KLHL20: variants seen among roughly 807,000 people sequenced by gnomAD.
KLHL20 encodes kelch-like protein 20.
Under a neutral mutation model 69.5 loss-of-function variants are expected in KLHL20, and 29 were observed. The ratio of observed to expected loss-of-function variants is 0.42; its 90% CI spans 0.31 to 0.57. KLHL20 has a LOEUF of 0.57. Among genes scored for constraint, KLHL20 ranks in the 20% least tolerant of loss-of-function variants. KLHL20 has a pLI of 0.18. For synonymous variants in KLHL20, 253 were observed against 265.2 expected (o/e 0.95, Z 0.45); for missense variants, 419 against 776.0 (o/e 0.54, Z 5.47).
intron 2 of KLHL20, among the ~76,000 whole-genome samples, chr1:173,732,293 T>C (rs1424189739): frequency 1.3e-5 from 2 of 151,780 alleles, no homozygotes; most frequent in African/African-American, 4.8e-5. Context: ...CGTGGGCAAC[T>C]TAGTGAGACC....
At chr1:173,744,637 G>A (rs1005977719) in intron 3 of KLHL20, among the ~76,000 whole-genome samples, 26 of 152,080 alleles carry the variant, frequency 1.7e-4, no homozygotes, top group South Asian at 4.1e-4. Context: ...TGTGTATGGT[G>A]TGAAATATGG....
At chr1:173,754,313 G>A (rs981883859) in intron 5 of KLHL20, among the ~76,000 whole-genome samples, 5 of 152,088 alleles carry the variant, frequency 3.3e-5, no homozygotes, top group African/African-American at 9.7e-5. Context: ...CAGGCCGGGC[G>A]CAGTGGCTCA....
intron 2 of KLHL20, among the ~76,000 whole-genome samples, chr1:173,725,902 G>A (rs1671933065): frequency 6.6e-6 from 1 of 152,216 alleles, no homozygotes; most frequent in African/African-American, 2.4e-5. Context: ...AGTAGGTGCA[G>A]GACAGTGGGT....
intron 3 of KLHL20, among the ~76,000 whole-genome samples, chr1:173,740,859 A>G (rs1672776122): frequency 1.3e-5 from 2 of 152,072 alleles, no homozygotes; most frequent in Non-Finnish European, 2.9e-5. Context: ...ACTCAGTCAA[A>G]TTATTACACA....
At position 173,733,863 on chromosome 1, in the gene KLHL20, T is replaced by C; in HGVS notation, c.174T>C (p.Ile58=). Residue 58 remains isoleucine, a synonymous_variant, in exon 3 of 12, where the codon ATT becomes ATC. Coordinates refer to ENST00000209884, the MANE Select transcript of KLHL20 (RefSeq NM_014458.4). ...DKHPRQTLEV[I]NLLRKHRELC... is the part of the protein sequence containing the mutation. ...ACCCTCGACAAACCTTGGAAGTGAT[T>C]AACCTTCTGAGAAAGCACCGGGAGC... The C allele has an allele frequency of 1.9e-6, 3 of 1,614,064 alleles. No individual in the cohort carries two copies. The highest frequency in any genetic ancestry group is 1.3e-5 in the African/African-American group (1 of 74,994).
At chr1:173,716,625 C>A (rs1671479712) in intron 2 of KLHL20, among the ~76,000 whole-genome samples, 1 of 152,040 alleles carries the variant, frequency 6.6e-6, no homozygotes, top group African/African-American at 2.4e-5. Flanking sequence ...ATAGGCCCTC[C>A]CAACCCTAGA....
chr1:173,719,204 C>T (rs1396117213), intron 2 of KLHL20, among the ~76,000 whole-genome samples: 3 of 151,916 alleles, frequency 2.0e-5, no homozygotes, highest in Non-Finnish European at 4.4e-5. Context: ...TCTATATGCA[C>T]CTTAGTTAAC....
chr1:173,779,185 T>C (rs1648684788), intron 10 of KLHL20, among the ~76,000 whole-genome samples: 2 of 152,184 alleles, frequency 1.3e-5, no homozygotes, highest in South Asian at 4.1e-4. Context: ...ATTTCTTCAT[T>C]TCTTCATTGA....
intron 2 of KLHL20, among the ~76,000 whole-genome samples, chr1:173,720,684 T>C (rs1237467765): frequency 6.6e-6 from 1 of 151,960 alleles, no homozygotes; most frequent in East Asian, 1.9e-4. Flanking sequence ...TTGAGAGAAG[T>C]AGATGGAATT....
At chr1:173,764,426 CAT>C (rs56738731) in intron 7 of KLHL20, among the ~76,000 whole-genome samples, 13,477 of 152,156 alleles carry the variant, frequency 0.089, 1,922 homozygotes, top group African/African-American at 0.3. Context: ...CTTGTACACA[CAT>C]GTTTCTAGCA....
intron 2 of KLHL20, among the ~76,000 whole-genome samples, chr1:173,723,234 T>C (rs1671798623): frequency 6.6e-6 from 1 of 152,226 alleles, no homozygotes; most frequent in Non-Finnish European, 1.5e-5. Context: ...AATCATGTGA[T>C]TTATTCTTTC....
At chr1:173,741,719 GA>G in intron 3 of KLHL20, 2 of 1,305,534 alleles carry the variant, frequency 1.5e-6, no homozygotes, top group East Asian at 2.4e-5. Flanking sequence ...CAGAAGAGGA[GA>G]AGAGGAAACA....
chr1:173,742,538 T>C (rs373427285), intron 3 of KLHL20, among the ~76,000 whole-genome samples: 3 of 151,750 alleles, frequency 2.0e-5, no homozygotes, highest in African/African-American at 4.8e-5. Flanking sequence ...TTAGAGAGGA[T>C]AGAAGAAAAG....
chr1:173,756,739 T>C (rs1570385), intron 6 of KLHL20, among the ~76,000 whole-genome samples: 8,753 of 152,266 alleles, frequency 0.057, 808 homozygotes, highest in African/African-American at 0.19. Context: ...CATAATCCTA[T>C]GTGAATTGGT....
At chr1:173,745,059 ATGT>A (rs994410261) in intron 3 of KLHL20, among the ~76,000 whole-genome samples, 2 of 151,512 alleles carry the variant, frequency 1.3e-5, no homozygotes, top group Non-Finnish European at 2.9e-5. Context: ...TCATTTTATG[ATGT>A]TGAGTTGTCC....
chr1:173,774,279 A>G (rs2102531576), intron 8 of KLHL20, 26 bp from the exon 9 acceptor site: 9 of 1,614,076 alleles, frequency 5.6e-6, no homozygotes, highest in Non-Finnish European at 6.8e-6. Flanking sequence ...AAGAACAAGC[A>G]TACAGTCTGG....
intron 7 of KLHL20, among the ~76,000 whole-genome samples, chr1:173,764,138 A>G (rs1647519022): frequency 6.6e-6 from 1 of 152,134 alleles, no homozygotes. Flanking sequence ...TCAACATCAC[A>G]ATGATCAGGG....
At chr1:173,776,973 G>GGT (rs1323664741) in intron 10 of KLHL20, among the ~76,000 whole-genome samples, 1 of 152,052 alleles carries the variant, frequency 6.6e-6, no homozygotes, top group Non-Finnish European at 1.5e-5. Context: ...TTGGTATTTT[G>GGT]GTAGGGATTG....
At chr1:173,766,041 A>C in intron 7 of KLHL20, 105 bp from the exon 8 acceptor site, 1 of 901,712 alleles carries the variant, frequency 1.1e-6, no homozygotes, top group Non-Finnish European at 1.5e-6. Flanking sequence ...GCCCATACTT[A>C]GGGGAAATAA....
Sources: allele counts gnomAD v4.1 joint callset (sites outside exome capture counted in the v4.1 genomes callset), GRCh38; gene constraint gnomAD v4.1.1; transcripts MANE v1.5; gene names NCBI Gene and HGNC (gene_info 2026-07-23, HGNC 2026-07-21).